RADIL: variants seen among roughly 807,000 people sequenced by gnomAD.
RADIL encodes Rap associating with DIL domain, also known as ras-associating and dilute domain-containing protein.
RADIL carries 99 observed loss-of-function variants against 97.6 expected under a neutral mutation model. That is an observed-to-expected ratio of 1.01 (90% confidence interval 0.86 to 1.20). The LOEUF (loss-of-function observed/expected upper bound fraction) is 1.20. RADIL is among the 50% of genes most tolerant of loss of function. The probability of loss-of-function intolerance (pLI) is 0.00; values close to 1 mark genes in which losing one functional copy is unlikely to be tolerated. For missense variants in RADIL, 1,765 were observed against 1,498.9 expected, an observed-to-expected ratio of 1.18 and a Z score of -2.93; for synonymous variants, 803 against 691.8, an observed-to-expected ratio of 1.16 and a Z score of -2.52.
At chr7:4,848,939 GA>G (rs1490233747) in intron 2 of RADIL, among the ~76,000 whole-genome samples, 3 of 152,162 alleles carry the variant, frequency 2.0e-5, no homozygotes, top group South Asian at 4.1e-4. Flanking sequence ...AGGAGTTTGA[GA>G]CTAGCCTGAC....
chr7:4,844,895 C>T (rs933645731), intron 2 of RADIL, among the ~76,000 whole-genome samples: 2 of 152,072 alleles, frequency 1.3e-5, no homozygotes, highest in African/African-American at 4.8e-5. Flanking sequence ...TGAGCCACTG[C>T]ACCTGGCCAG....
At chr7:4,826,732 CAA>C (rs56036708) in intron 5 of RADIL, among the ~76,000 whole-genome samples, 12 of 85,576 alleles carry the variant, frequency 1.4e-4, no homozygotes, top group Non-Finnish European at 2.6e-4. Flanking sequence ...GACTCCGTCT[CAA>C]AAAAAAAAAA....
chr7:4,848,791 AGAAAATGTCT>A (rs1783637995), intron 2 of RADIL, among the ~76,000 whole-genome samples: 1 of 152,218 alleles, frequency 6.6e-6, no homozygotes, highest in Non-Finnish European at 1.5e-5. Context: ...GGAAGTCACT[AGAAAATGTCT>A]GAAATTTTTA....
At chr7:4,838,969 G>A (rs144849075) in intron 2 of RADIL, among the ~76,000 whole-genome samples, 407 of 152,298 alleles carry the variant, frequency 2.7e-3, no homozygotes, top group Middle Eastern at 0.02. Flanking sequence ...ACGTGCACAC[G>A]TACATTCAGC....
In RADIL at chr7:4,879,993, C is replaced by T. The variant is rs1050125594; in HGVS notation, c.-64-1790G>A. On this transcript the variant is annotated intron_variant, in intron 1 of 14. Transcript: ENST00000399583. The surrounding 1 kb of genome is among the most constrained non-coding windows in gnomAD (Gnocchi z 4.1). ...CAGAAATACTTCCGACAGCTTCGCA[C>T]ACCAGAGACTGGGTTCCCAACGCGG... is the stretch of plus-strand genomic sequence containing the variant. Among the ~76,000 whole-genome samples, 1 of 152,228 alleles carries T rather than the reference C, an allele frequency of 6.6e-6. No individual in the cohort carries two copies. Among genetic ancestry groups the T allele is most frequent in the Admixed American group, 6.5e-5 (1 of 15,282 alleles).
Position 4,867,086 on chromosome 7 carries a change from C to T in RADIL, c.535+10519G>A, listed in dbSNP as rs892048940. 3.3e-5 allele frequency among the ~76,000 whole-genome samples: 5 copies of T among 152,184 alleles called. No individual in the cohort carries two copies. Among genetic ancestry groups the T allele is most frequent in the African/African-American group, 1.2e-4 (5 of 41,438 alleles). ...GGGCCGTGCCCTGGAACTTCTCAGC[C>T]TGTGGAACCATGAGATAAATAAACC... is the stretch of plus-strand genomic sequence containing the variant. On this transcript the variant is annotated intron_variant, in intron 2 of 14. Coordinates refer to ENST00000399583, the MANE Select transcript of RADIL (RefSeq NM_018059.5). This position sits in a 1 kb window ranked among gnomAD's most constrained non-coding sequence, Gnocchi z 4.1.
In RADIL at chr7:4,821,748, C is replaced by T. The variant is rs1287653494; in HGVS notation, c.1615+646G>A. ...GCATGCTCCTGTAATCCCAGGTACT[C>T]GGGAGGCTGAGGCACGAGAATCGCT... On this transcript the variant is annotated intron_variant, in intron 6 of 14. Transcript: ENST00000399583. The surrounding 1 kb of genome is among the most constrained non-coding windows in gnomAD (Gnocchi z 5.2). 6.6e-6 allele frequency among the ~76,000 whole-genome samples: 1 copy of T among 151,986 alleles called. No individual in the cohort carries two copies. The highest frequency in any genetic ancestry group is 1.5e-5 in the Non-Finnish European group (1 of 68,014).
At chr7:4,857,986 G>A (rs1452996188) in intron 2 of RADIL, 3 of 152,582 alleles carry the variant, frequency 2.0e-5, no homozygotes, top group Non-Finnish European at 2.9e-5. Context: ...TTTTCCCAAT[G>A]TGTAAACAAA....
At chr7:4,861,861 C>T (rs950282214) in intron 2 of RADIL, 1 of 1,270,072 alleles carries the variant, frequency 7.9e-7, no homozygotes, top group Non-Finnish European at 1.0e-6. Context: ...GCGACCTTCG[C>T]GGCCGCCGCC....
In RADIL at chr7:4,822,338, C is replaced by T; in HGVS notation, c.1615+56G>A. On this transcript the variant is annotated intron_variant, in intron 6 of 14. Transcript: ENST00000399583. The surrounding 1 kb of genome is among the most constrained non-coding windows in gnomAD (Gnocchi z 5.3). ...GGTTCCGAGGACGGCGAGGAGATGC[C>T]ACACTCCCCTGCCTGGGGTGCTGGC... 6.5e-7 allele frequency: 1 copy of T among 1,546,756 alleles called. No individual in the cohort carries two copies. The highest frequency in any genetic ancestry group is 8.7e-7 in the Non-Finnish European group (1 of 1,144,836).
At chr7:4,868,207 C>T (rs181958149) in intron 2 of RADIL, among the ~76,000 whole-genome samples, 4,995 of 152,152 alleles carry the variant, frequency 0.033, 85 homozygotes, top group East Asian at 0.062. Flanking sequence ...GGACTACAGG[C>T]GCCCGCCACC....
At position 4,860,275 on chromosome 7, in the gene RADIL, T is replaced by C. The variant is rs746448503; in HGVS notation, c.535+17330A>G. ...CGTTCAAATCTGTCAATCTTCTACC[T>C]TCTGTTGAGTGTGCTTTCTTGTCCT... On this transcript the variant is annotated intron_variant, in intron 2 of 14. Transcript: ENST00000399583. 11 of 1,613,904 alleles carry C rather than the reference T, an allele frequency of 6.8e-6. No individual in the cohort carries two copies. The Admixed American group carries it at 1.5e-4, about 22-fold the overall frequency.
Position 4,840,691 on chromosome 7 carries a change from G to A in RADIL, c.536-4086C>T, listed in dbSNP as rs919360618. Among the ~76,000 whole-genome samples, 13 of 152,152 alleles carry A rather than the reference G, an allele frequency of 8.5e-5. No homozygotes were observed. Among genetic ancestry groups the A allele is most frequent in the African/African-American group, 2.2e-4 (9 of 41,448 alleles). On this transcript the variant is annotated intron_variant, in intron 2 of 14. Coordinates refer to ENST00000399583, the MANE Select transcript of RADIL (RefSeq NM_018059.5). The surrounding 1 kb of genome is among the most constrained non-coding windows in gnomAD (Gnocchi z 5.6). Reference sequence around the variant, plus strand: ...CATCAAGAAACCACTATTTCTGGCCGGGCGCGGTGGCTCACGCCTGTAATC... The same window carrying A: ...CATCAAGAAACCACTATTTCTGGCCAGGCGCGGTGGCTCACGCCTGTAATC...
At position 4,819,827 on chromosome 7, in the gene RADIL, A is replaced by G. The variant is rs922700671; in HGVS notation, c.1616-2476T>C. ...CTGGCCCTCGACACCCGGAGCCTGC[A>G]GGCATCCCTGGGCCCTGGCTCCCAT... On this transcript the variant is annotated intron_variant, in intron 6 of 14. Coordinates refer to ENST00000399583, the MANE Select transcript of RADIL (RefSeq NM_018059.5). The surrounding 1 kb of genome is among the most constrained non-coding windows in gnomAD (Gnocchi z 5.8). 1.5e-4 allele frequency among the ~76,000 whole-genome samples: 23 copies of G among 152,180 alleles called. No individual in the cohort carries two copies. Among genetic ancestry groups the G allele is most frequent in the African/African-American group, 5.5e-4 (23 of 41,444 alleles).
Position 4,801,907 on chromosome 7 carries a change from A to G in RADIL, c.2588T>C (p.Val863Ala), listed in dbSNP as rs983091698. The G allele has an allele frequency of 1.3e-6, 2 of 1,571,316 alleles. No homozygotes were observed. Among genetic ancestry groups the G allele is most frequent in the African/African-American group, 1.4e-5 (1 of 73,582 alleles). ...CAAGGGAAGAGTACGCTCCGGGGCC[A>G]CTTCCCGGGCTGCTGGGCCAGGGTC... is the stretch of plus-strand genomic sequence containing the variant. ...PRDPGPAARE[V>A]APERTLPLRG... Residue 863 changes from valine (V) to alanine (A), a missense_variant, in exon 12 of 15, where the codon GTG becomes GCG. Transcript: ENST00000399583.
chr7:4,872,524 G>A lies in RADIL; in HGVS notation c.535+5081C>T, dbSNP rs1329173571. Among the ~76,000 whole-genome samples, 1 of 152,028 alleles carries A rather than the reference G, an allele frequency of 6.6e-6. No individual in the cohort carries two copies. Among genetic ancestry groups the A allele is most frequent in the Non-Finnish European group, 1.5e-5 (1 of 68,016 alleles). ...CCCTCCCCAGTGCATCTAAGTGGCT[G>A]CTGTCTTATCTCGGTGACAGGACCC... On this transcript the variant is annotated intron_variant, in intron 2 of 14. Coordinates refer to ENST00000399583, the MANE Select transcript of RADIL (RefSeq NM_018059.5). This position sits in a 1 kb window ranked among gnomAD's most constrained non-coding sequence, Gnocchi z 5.8.
rs755026430 is a variant in RADIL at position 4,859,986 on chromosome 7, C to T, written c.535+17619G>A. On this transcript the variant is annotated intron_variant, in intron 2 of 14. Coordinates refer to ENST00000399583, the MANE Select transcript of RADIL (RefSeq NM_018059.5). ...GAAGAAACAACTCTGGCGACCATGG[C>T]CTTTGGTGATGGAGAAATGGCAGGC... 30 of 1,613,844 alleles carry T rather than the reference C, an allele frequency of 1.9e-5. No individual in the cohort carries two copies. Among genetic ancestry groups the T allele is most frequent in the Non-Finnish European group, 2.3e-5 (27 of 1,179,872 alleles).
At chr7:4,860,790 C>T in intron 2 of RADIL, 1 of 1,614,170 alleles carries the variant, frequency 6.2e-7, no homozygotes, top group South Asian at 1.1e-5. Flanking sequence ...TGTTTAAACT[C>T]CTCAATCATG....
intron 2 of RADIL, among the ~76,000 whole-genome samples, chr7:4,847,955 G>A (rs1370891908): frequency 6.6e-6 from 1 of 152,134 alleles, no homozygotes; most frequent in Non-Finnish European, 1.5e-5. Context: ...CAGCACTTAG[G>A]GAGGCCGCAG....
Sources: allele counts gnomAD v4.1 joint callset (sites outside exome capture counted in the v4.1 genomes callset), GRCh38; gene constraint gnomAD v4.1.1; non-coding constraint Gnocchi (gnomAD v3.1); transcripts MANE v1.5; gene names NCBI Gene and HGNC (gene_info 2026-07-23, HGNC 2026-07-21).